Variants in EDA observed in about 807,000 individuals in gnomAD.
EDA encodes the protein ectodysplasin-A.
A neutral mutation model predicts 23.6 loss-of-function variants in EDA; 2 were observed. That is an observed-to-expected ratio of 0.08 (90% confidence interval 0.03 to 0.27). The LOEUF (loss-of-function observed/expected upper bound fraction) is 0.27, where lower values mean the gene tolerates loss of function less well. EDA is among the 10% of genes least tolerant of loss of function. The pLI, the probability that EDA is intolerant of heterozygous loss-of-function variation, is 1.00. For missense variants in EDA, 229 were observed against 324.2 expected, an observed-to-expected ratio of 0.71 and a Z score of 2.26; for synonymous variants, 131 against 132.0, an observed-to-expected ratio of 0.99 and a Z score of 0.05.
At chrX:69,871,639 C>G (rs775172330) in intron 1 of EDA, among the ~76,000 whole-genome samples, 1 of 112,014 alleles carries the variant, frequency 8.9e-6, no homozygotes, top group Admixed American at 9.5e-5. Context: ...ATATTAATCT[C>G]TTTTGGCAAC....
intron 1 of EDA, among the ~76,000 whole-genome samples, chrX:69,839,973 T>C (rs2016861961): frequency 8.9e-6 from 1 of 112,390 alleles, no homozygotes; most frequent in Non-Finnish European, 1.9e-5. Flanking sequence ...TACTTATTGC[T>C]CTCTTGCCTA....
chrX:69,960,277 A>G (rs1350782838), intron 2 of EDA, among the ~76,000 whole-genome samples: 1 of 111,070 alleles, frequency 9.0e-6, no homozygotes, highest in Non-Finnish European at 1.9e-5. Context: ...AGAGATTTTG[A>G]AGGAATGGCT....
At chrX:69,661,731 G>A (rs1386028500) in intron 1 of EDA, among the ~76,000 whole-genome samples, 4 of 111,488 alleles carry the variant, frequency 3.6e-5, no homozygotes, top group Admixed American at 1.9e-4. Flanking sequence ...CCAGTACCAT[G>A]CTGTTTTGGT....
At chrX:69,740,540 G>A (rs1170763439) in intron 1 of EDA, among the ~76,000 whole-genome samples, 6 of 110,863 alleles carry the variant, frequency 5.4e-5, no homozygotes, top group Non-Finnish European at 7.6e-5. Context: ...TCCCTTGTAT[G>A]TGATGAGTTG....
At chrX:69,634,079 G>C (rs1252759421) in intron 1 of EDA, among the ~76,000 whole-genome samples, 3 of 111,740 alleles carry the variant, frequency 2.7e-5, no homozygotes, top group African/African-American at 9.8e-5. Flanking sequence ...ATATCTAATT[G>C]TTTTGATTTG....
rs1931915087 is a variant in EDA, at chrX:69,616,163, C to G, written c.-146C>G. The G allele has an allele frequency of 1.2e-5, 8 of 654,249 alleles. No homozygotes were observed. The Admixed American group carries it at 2.3e-4, about 19-fold the overall frequency. The allele number at this position is 654,249 out of a possible 1,213,427, so 53.9% of individuals were successfully genotyped here. ...CTGCACATGCGGCTGCTCCCTGCTCCGTCCCGCCCAGCCACTGTCGCGCAG... is the reference window on the plus strand; with the variant it reads ...CTGCACATGCGGCTGCTCCCTGCTCGGTCCCGCCCAGCCACTGTCGCGCAG... On this transcript the variant is annotated 5_prime_UTR_variant, in exon 1 of 8. Coordinates refer to ENST00000374552, the MANE Select transcript of EDA (RefSeq NM_001399.5).
chrX:69,636,812 T>C (rs1932782387), intron 1 of EDA, among the ~76,000 whole-genome samples: 1 of 111,268 alleles, frequency 9.0e-6, no homozygotes, highest in African/African-American at 3.3e-5. Flanking sequence ...CCTGGACTTA[T>C]GTGAAGTGAA....
At chrX:70,013,945 C>T (rs1004767758) in intron 2 of EDA, among the ~76,000 whole-genome samples, 11 of 112,037 alleles carry the variant, frequency 9.8e-5, no homozygotes, top group African/African-American at 2.3e-4. Flanking sequence ...CTTGGGCCCA[C>T]GGCACAGCTG....
At chrX:69,957,329 T>C in intron 2 of EDA, 197 bp downstream of exon 2, 1 of 400,468 alleles carries the variant, frequency 2.5e-6, no homozygotes. Context: ...CTGTCTCTAC[T>C]AAAAATACAA....
chrX:69,649,374 ATT>A (rs944023233), intron 1 of EDA, among the ~76,000 whole-genome samples: 8 of 111,921 alleles, frequency 7.1e-5, no homozygotes, highest in Non-Finnish European at 1.5e-4. Flanking sequence ...TGGTAACTCT[ATT>A]AATTTGTGTA....
At chrX:69,704,343 A>C (rs1214715557) in intron 1 of EDA, among the ~76,000 whole-genome samples, 1 of 112,042 alleles carries the variant, frequency 8.9e-6, no homozygotes, top group Non-Finnish European at 1.9e-5. Flanking sequence ...GAGGTTGTGG[A>C]GACCAAGATT....
intron 1 of EDA, among the ~76,000 whole-genome samples, chrX:69,700,625 A>G (rs1028543782): frequency 9.0e-6 from 1 of 111,082 alleles, no homozygotes; most frequent in African/African-American, 3.3e-5. Context: ...CTTTAGGCCT[A>G]TGAGAGCTGC....
intron 1 of EDA, among the ~76,000 whole-genome samples, chrX:69,810,704 C>T (rs1418023453): frequency 2.9e-5 from 3 of 104,643 alleles, no homozygotes; most frequent in Admixed American, 1.1e-4. Context: ...TGCAGTGAGT[C>T]GAGATCACGC....
At chrX:69,893,887 A>G (rs1468371731) in intron 1 of EDA, among the ~76,000 whole-genome samples, 1 of 111,930 alleles carries the variant, frequency 8.9e-6, no homozygotes, top group Non-Finnish European at 1.9e-5. Flanking sequence ...CCACTTGTAA[A>G]ACAAAGGAGT....
chrX:69,957,257 C>G (rs1389265274), intron 2 of EDA, 125 bp downstream of exon 2: 5 of 622,975 alleles, frequency 8.0e-6, no homozygotes, highest in Non-Finnish European at 1.3e-5. Context: ...TTTGGGAGGC[C>G]CACGCGGGCA....
intron 2 of EDA, among the ~76,000 whole-genome samples, chrX:70,015,618 G>C (rs2019937583): frequency 9.0e-6 from 1 of 111,294 alleles, no homozygotes; most frequent in Non-Finnish European, 1.9e-5. Context: ...TTCATGTCCA[G>C]CCAAACTAAG....
intron 1 of EDA, among the ~76,000 whole-genome samples, chrX:69,715,998 C>T (rs1414147580): frequency 9.0e-6 from 1 of 111,702 alleles, no homozygotes; most frequent in African/African-American, 3.3e-5. Context: ...ATAGTTTACA[C>T]ATATTTTCTC....
chrX:69,771,118 A>G (rs1569325210), intron 1 of EDA, among the ~76,000 whole-genome samples: 1 of 110,672 alleles, frequency 9.0e-6, no homozygotes, highest in Non-Finnish European at 1.9e-5. Context: ...GTGCAGCAGC[A>G]CGATCTCAGC....
intron 2 of EDA, among the ~76,000 whole-genome samples, chrX:69,977,312 C>G (rs2019331659): frequency 9.0e-6 from 1 of 111,698 alleles, no homozygotes; most frequent in Non-Finnish European, 1.9e-5. Context: ...TTTCTTCTAG[C>G]CTGAACCCCT....
Sources: allele counts gnomAD v4.1 joint callset (sites outside exome capture counted in the v4.1 genomes callset), GRCh38; gene constraint gnomAD v4.1.1; transcripts MANE v1.5; gene names NCBI Gene and HGNC (gene_info 2026-07-23, HGNC 2026-07-21).